Variants in CNTLN observed in about 807,000 individuals in gnomAD.
CNTLN encodes the protein centlein, also known as centlein, centrosomal protein.
In CNTLN, 212 loss-of-function variants were observed where a neutral mutation model predicts 180.0. The observed-to-expected ratio is 1.18, with a 90% CI of 1.05 to 1.32. The LOEUF is 1.32. CNTLN is among the 40% of genes most tolerant of loss of function. The pLI, the probability that CNTLN is intolerant of heterozygous loss-of-function variation, is 0.00. For synonymous variants in CNTLN, 722 were observed against 563.1 expected, an observed-to-expected ratio of 1.28 and a Z score of -3.99; for missense variants, 2,095 against 1,610.9, an observed-to-expected ratio of 1.30 and a Z score of -5.14.
chr9:17,296,093 C>T (rs1817911696), intron 6 of CNTLN, among the ~76,000 whole-genome samples: 1 of 151,360 alleles, frequency 6.6e-6, no homozygotes, highest in Non-Finnish European at 1.5e-5. Context: ...GCGATCTCGG[C>T]TCAGGATCAA....
intron 25 of CNTLN, among the ~76,000 whole-genome samples, chr9:17,496,716 T>C (rs529959660): frequency 1.2e-3 from 184 of 152,324 alleles, no homozygotes; most frequent in African/African-American, 4.4e-3. Flanking sequence ...CCAAATTCTT[T>C]CTTTAATGTC....
At chr9:17,284,707 T>C (rs1486434580) in intron 6 of CNTLN, among the ~76,000 whole-genome samples, 1 of 152,118 alleles carries the variant, frequency 6.6e-6, no homozygotes, top group Non-Finnish European at 1.5e-5. Flanking sequence ...AACAAACGGC[T>C]TCTGGATTCA....
chr9:17,358,313 T>C (rs1015737054), intron 12 of CNTLN, among the ~76,000 whole-genome samples: 2 of 152,028 alleles, frequency 1.3e-5, no homozygotes, highest in Non-Finnish European at 2.9e-5. Context: ...TCTAAACTTA[T>C]CAAAATAGAA....
chr9:17,462,725 T>C (rs1831524100), intron 19 of CNTLN, among the ~76,000 whole-genome samples, 191 bp from the exon 20 acceptor site: 1 of 151,622 alleles, frequency 6.6e-6, no homozygotes, highest in African/African-American at 2.4e-5. Context: ...GCATGTTATA[T>C]AAAAGTTTTA....
intron 2 of CNTLN, among the ~76,000 whole-genome samples, chr9:17,189,207 G>A (rs956216834): frequency 7.0e-6 from 1 of 142,588 alleles, no homozygotes; most frequent in African/African-American, 2.6e-5. Context: ...CTCAGCTTCT[G>A]GAGTAGCTGG....
At chr9:17,380,532 A>T (rs1200674626) in intron 13 of CNTLN, among the ~76,000 whole-genome samples, 1 of 152,124 alleles carries the variant, frequency 6.6e-6, no homozygotes, top group Non-Finnish European at 1.5e-5. Context: ...CAGTCCATTG[A>T]CGTACAACAA....
Position 17,263,529 on chromosome 9 carries a change from A to G in CNTLN, c.850-10204A>G, listed in dbSNP as rs533236700. Among the ~76,000 whole-genome samples the G allele has an allele frequency of 5.9e-5, 9 of 151,846 alleles. No homozygotes were observed. The East Asian group carries it at 1.6e-3, about 26-fold the overall frequency. ...TGTGTGCATGTGTCTTTATAGCAGC[A>G]TGATTTATAATCCTTTGGGTGTATA... is the stretch of plus-strand genomic sequence containing the variant. On this transcript the variant is annotated intron_variant, in intron 5 of 25. Transcript: ENST00000380647.
chr9:17,322,549 C>A (rs1819989082), intron 8 of CNTLN, among the ~76,000 whole-genome samples: 1 of 152,108 alleles, frequency 6.6e-6, no homozygotes. Flanking sequence ...AACTGCAACT[C>A]AACTTTAACT....
intron 6 of CNTLN, among the ~76,000 whole-genome samples, chr9:17,291,934 T>C (rs1829439489): frequency 6.6e-6 from 1 of 152,202 alleles, no homozygotes; most frequent in Admixed American, 6.5e-5. Flanking sequence ...CAGTGGCTAG[T>C]GGTGGTTTTT....
intron 15 of CNTLN, among the ~76,000 whole-genome samples, chr9:17,400,069 G>A (rs115776570): frequency 0.011 from 1,615 of 152,174 alleles, 32 homozygotes; most frequent in African/African-American, 0.037. Flanking sequence ...TTTTTACGGT[G>A]TCTCAGCCAA....
intron 5 of CNTLN, among the ~76,000 whole-genome samples, chr9:17,244,415 G>A (rs1297156761): frequency 1.3e-5 from 2 of 151,946 alleles, no homozygotes; most frequent in East Asian, 3.9e-4. Context: ...ATGAGGTCTT[G>A]CTATGTTGCC....
intron 15 of CNTLN, 102 bp from the exon 16 acceptor site, chr9:17,409,191 A>G (rs1587917091): frequency 1.9e-6 from 2 of 1,079,528 alleles, no homozygotes; most frequent in Non-Finnish European, 2.7e-6. Context: ...TTGCAGTTTT[A>G]TATACAATCT....
At chr9:17,466,434 G>GT (rs1389363423) in intron 22 of CNTLN, among the ~76,000 whole-genome samples, 2 of 151,392 alleles carry the variant, frequency 1.3e-5, no homozygotes, top group Non-Finnish European at 3.0e-5. Context: ...ATGTTTCCAT[G>GT]TTATGTGGAG....
At chr9:17,312,365 T>TATATAATATATATATATATA (rs1563984878) in intron 8 of CNTLN, among the ~76,000 whole-genome samples, 98 of 7,212 alleles carry the variant, frequency 0.014, no homozygotes, top group African/African-American at 0.022. Context: ...ATATATATAT[T>TATATAATATATATATATATA]ATATATATAT....
Position 17,446,564 on chromosome 9 carries a change from A to C in CNTLN, c.3115-10960A>C, listed in dbSNP as rs182689019. On this transcript the variant is annotated intron_variant, in intron 18 of 25. Transcript: ENST00000380647. ...AATGTAATTTAATGTTTATATTCAT[A>C]CTTTTCAGAGGCTTACTGAGAAATT... Among the ~76,000 whole-genome samples the C allele has an allele frequency of 5.3e-5, 8 of 152,300 alleles. No homozygotes were observed. In the East Asian group the frequency reaches 1.5e-3, roughly 29 times the overall value.
intron 16 of CNTLN, among the ~76,000 whole-genome samples, chr9:17,409,758 A>C (rs540671157): frequency 3.9e-5 from 6 of 152,274 alleles, no homozygotes; most frequent in Non-Finnish European, 8.8e-5. Context: ...TATATGAAAT[A>C]TTCCAAATGA....
chr9:17,319,173 G>A (rs989442526), intron 8 of CNTLN, among the ~76,000 whole-genome samples: 2 of 152,198 alleles, frequency 1.3e-5, no homozygotes, highest in African/African-American at 4.8e-5. Flanking sequence ...TGTCAGAAGC[G>A]CACTGGCATA....
chr9:17,166,571 G>T (rs993035146), intron 2 of CNTLN, among the ~76,000 whole-genome samples: 1 of 152,084 alleles, frequency 6.6e-6, no homozygotes, highest in Non-Finnish European at 1.5e-5. Flanking sequence ...GTTGGAGATA[G>T]TGAGATCATG....
intron 2 of CNTLN, among the ~76,000 whole-genome samples, chr9:17,213,244 TG>T (rs768153688): frequency 5.3e-5 from 8 of 152,218 alleles, no homozygotes; most frequent in Non-Finnish European, 1.0e-4. Context: ...CCAGAGATTC[TG>T]GTATGTTGTG....
Sources: allele counts gnomAD v4.1 joint callset (sites outside exome capture counted in the v4.1 genomes callset), GRCh38; gene constraint gnomAD v4.1.1; transcripts MANE v1.5; gene names NCBI Gene and HGNC (gene_info 2026-07-23, HGNC 2026-07-21).